The following MYO1H variants were observed in gnomAD, a reference collection of about 807,000 sequenced individuals.
MYO1H encodes the protein myosin IH.
MYO1H carries 118 observed loss-of-function variants against 149.3 expected under a neutral mutation model. The ratio of observed to expected loss-of-function variants is 0.79; its 90% confidence interval spans 0.68 to 0.92. MYO1H has a LOEUF of 0.92. Among genes scored for constraint, MYO1H ranks in the 40% least tolerant of loss-of-function variants. The probability of loss-of-function intolerance (pLI) is 0.00; values close to 1 mark genes in which losing one functional copy is unlikely to be tolerated. For missense variants in MYO1H, 1,212 were observed against 1,280.7 expected (o/e 0.95, Z 0.82); for synonymous variants, 447 against 465.2 (o/e 0.96, Z 0.50).
the MYO1H span, among the ~76,000 whole-genome samples, chr12:109,327,739 CAAAAAA>C: frequency 2.3e-5 from 2 of 85,650 alleles, no homozygotes; most frequent in Admixed American, 1.4e-4. Context: ...AAAACTGTCT[CAAAAAA>C]AAAAAAAAAA....
intron 8 of MYO1H, 32 bp from the exon 9 acceptor site, chr12:109,406,757 T>C: frequency 1.2e-6 from 2 of 1,601,964 alleles, no homozygotes; most frequent in African/African-American, 1.3e-5. Flanking sequence ...ACTGCGTCAC[T>C]GAATAGCATT....
At chr12:109,377,255 A>T (rs1869103623) in intron 1 of MYO1H, among the ~76,000 whole-genome samples, 1 of 152,178 alleles carries the variant, frequency 6.6e-6, no homozygotes, top group Non-Finnish European at 1.5e-5. Context: ...TTTGGCTTAT[A>T]ATTCTGATGG....
chr12:109,440,549 A>T, intron 24 of MYO1H, 195 bp from the exon 25 acceptor site: 1 of 558,490 alleles, frequency 1.8e-6, no homozygotes, highest in East Asian at 3.1e-5. Context: ...CAAGTTTGAG[A>T]ATCATTCGTT....
Position 109,380,185 on chromosome 12 carries a change from G to A in MYO1H, c.13-8498G>A, listed in dbSNP as rs553854775. Among the ~76,000 whole-genome samples the A allele has an allele frequency of 4.5e-4, 69 of 152,104 alleles. 1 individual carries two copies. The South Asian group carries it at 0.012, about 27-fold the overall frequency. ...GCTGGGATTACACATGACAGCCACC[G>A]CACCCAGGCCAATTTTAACATTTAA... On this transcript the variant is annotated intron_variant, in intron 1 of 31. Coordinates refer to ENST00000310903, the Ensembl canonical transcript of MYO1H.
At chr12:109,410,310 T>A (rs1391520428) in intron 12 of MYO1H, among the ~76,000 whole-genome samples, 1 of 152,010 alleles carries the variant, frequency 6.6e-6, no homozygotes, top group Non-Finnish European at 1.5e-5. Context: ...CCTGGCTAAT[T>A]GTTTTACTTT....
At chr12:109,318,982 T>TTTTG in the MYO1H span, among the ~76,000 whole-genome samples, 1 of 144,988 alleles carries the variant, frequency 6.9e-6, no homozygotes, top group African/African-American at 2.6e-5. Flanking sequence ...GTTTTTTTTT[T>TTTTG]TTTTTTTTTT....
chr12:109,447,094 A>G, intron 31 of MYO1H, 65 bp from the exon 32 acceptor site: 1 of 1,503,340 alleles, frequency 6.7e-7, no homozygotes, highest in Non-Finnish European at 9.1e-7. Context: ...TTGAGGTGAT[A>G]ACTGTTTCCT....
rs529169638 is a variant in MYO1H at position 109,427,131 on chromosome 12, C to T, written c.1832-338C>T. ...AAGAGTTCGAGACCAGCCTGGCCAA[C>T]ACGGTGAAACCACGTCTCTACTAAA... On this transcript the variant is annotated intron_variant, in intron 18 of 31. Coordinates refer to ENST00000310903, the Ensembl canonical transcript of MYO1H. Among the ~76,000 whole-genome samples, 62 of 152,092 alleles carry T rather than the reference C, an allele frequency of 4.1e-4. 1 individual carries two copies. The South Asian group carries it at 0.011, about 28-fold the overall frequency.
At chr12:109,313,896 T>G in the MYO1H span, among the ~76,000 whole-genome samples, 1 of 152,160 alleles carries the variant, frequency 6.6e-6, no homozygotes, top group South Asian at 2.1e-4. Context: ...TTGTTTCTCG[T>G]TTTTTTAGAC....
upstream of MYO1H, among the ~76,000 whole-genome samples, chr12:109,343,162 A>C (rs2048092187): frequency 6.6e-6 from 1 of 152,350 alleles, no homozygotes; most frequent in African/African-American, 2.4e-5. Flanking sequence ...GAAAATATGT[A>C]GTATCACAGG....
the MYO1H span, among the ~76,000 whole-genome samples, chr12:109,317,187 C>G: frequency 2.6e-5 from 4 of 152,178 alleles, no homozygotes; most frequent in Non-Finnish European, 4.4e-5. Context: ...ACTGTAAACT[C>G]CATGACATGC....
intron 2 of MYO1H, among the ~76,000 whole-genome samples, chr12:109,391,441 A>G (rs574019167): frequency 6.6e-5 from 10 of 152,342 alleles, no homozygotes; most frequent in African/African-American, 1.9e-4. Context: ...ATAGTATTCC[A>G]TAGTGTATAT....
chr12:109,439,716 T>C lies in MYO1H; in HGVS notation c.2380T>C (p.Leu794=), dbSNP rs753016825. Residue 794 remains leucine, a synonymous_variant, in exon 24 of 32, where the codon TTG becomes CTG. Coordinates refer to ENST00000310903, the Ensembl canonical transcript of MYO1H. ...CGTGTTTGTGCGGAAGAATTACATC[T>C]TGAATCTCCGGTATCACCTTCCAAA... The C allele has an allele frequency of 3.7e-6, 6 of 1,613,946 alleles. No homozygotes were observed. The South Asian group carries it at 4.4e-5, about 12-fold the overall frequency.
At chr12:109,352,045 C>G (rs1566016580) in intron 1 of MYO1H, among the ~76,000 whole-genome samples, 6 of 152,122 alleles carry the variant, frequency 3.9e-5, no homozygotes, top group African/African-American at 1.4e-4. Context: ...GTAACTTTTA[C>G]TAGTGAGTGG....
chr12:109,366,291 A>G (rs772986240), intron 1 of MYO1H, among the ~76,000 whole-genome samples: 1 of 152,182 alleles, frequency 6.6e-6, no homozygotes, highest in Non-Finnish European at 1.5e-5. Context: ...ATTAACTTCA[A>G]TCTAAGTCCT....
intron 11 of MYO1H, 131 bp from the exon 12 acceptor site, chr12:109,409,832 T>C: frequency 1.5e-6 from 1 of 666,112 alleles, no homozygotes; most frequent in Non-Finnish European, 2.5e-6. Flanking sequence ...ATGATCTATT[T>C]AGTAAATTAT....
Position 109,379,379 on chromosome 12 carries a change from G to A in MYO1H, c.13-9304G>A, listed in dbSNP as rs550872422. ...AATGTATATGCTCCAGTTGTTGGGT[G>A]CAACGGTCTACATGTGTTAGTTGAT... On this transcript the variant is annotated intron_variant, in intron 1 of 31. Transcript: ENST00000310903. Among the ~76,000 whole-genome samples the A allele has an allele frequency of 2.0e-5, 3 of 152,320 alleles. No homozygotes were observed. The South Asian group carries it at 6.2e-4, about 32-fold the overall frequency.
At chr12:109,310,829 A>T in the MYO1H span, among the ~76,000 whole-genome samples, 1 of 152,198 alleles carries the variant, frequency 6.6e-6, no homozygotes, top group African/African-American at 2.4e-5. Context: ...GAGGAAAAAG[A>T]TGTAGTTTAC....
Position 109,415,587 on chromosome 12 carries a change from C to T in MYO1H, c.1564C>T (p.His522Tyr), listed in dbSNP as rs780819587. The stretch of plus-strand genomic sequence containing the variant: ...TGGCTGGATGGAGTTCCGACTCCTC[C>T]ACTATGCAGGAGAGGTCACATACTG... Residue 522 changes from histidine to tyrosine, a missense_variant, in exon 15 of 32, where the codon CAC becomes TAC. Coordinates refer to ENST00000310903, the Ensembl canonical transcript of MYO1H. 8.1e-6 allele frequency: 13 copies of T among 1,605,930 alleles called. No homozygotes were observed. In the African/African-American group the frequency reaches 1.7e-4, roughly 21 times the overall value.
Sources: gnomAD v4.1 joint callset for allele counts (sites outside exome capture counted in the v4.1 genomes callset) on GRCh38, gnomAD v4.1.1 for gene constraint, MANE v1.5 for transcripts, NCBI Gene and HGNC (gene_info 2026-07-23, HGNC 2026-07-21) for gene names.